ANKRD42: variants seen among roughly 807,000 people sequenced by gnomAD.
The protein encoded by ANKRD42 is ankyrin repeat domain 42.
ANKRD42 carries 43 observed loss-of-function variants against 51.5 expected under a neutral mutation model. The ratio of observed to expected loss-of-function variants is 0.83; its 90% CI spans 0.65 to 1.08. The LOEUF (loss-of-function observed/expected upper bound fraction) is 1.08, where lower values mean the gene tolerates loss of function less well. Among genes scored for constraint, ANKRD42 ranks in the 50% least tolerant of loss-of-function variants. ANKRD42 has a pLI of 0.00. For missense variants in ANKRD42, 608 were observed against 629.3 expected (o/e 0.97, Z 0.36); for synonymous variants, 203 against 213.0 (o/e 0.95, Z 0.41).
chr11:83,239,345 G>A (rs965076174), intron 8 of ANKRD42, among the ~76,000 whole-genome samples: 1 of 152,020 alleles, frequency 6.6e-6, no homozygotes, highest in Non-Finnish European at 1.5e-5. Context: ...ACTTTGCAAA[G>A]ATTTCCCTTT....
chr11:83,223,412 A>G (rs1433606064), intron 5 of ANKRD42, among the ~76,000 whole-genome samples: 1 of 152,174 alleles, frequency 6.6e-6, no homozygotes, highest in Non-Finnish European at 1.5e-5. Flanking sequence ...AAAGGTAGTG[A>G]GAAGTAATCA....
chr11:83,214,394 G>A (rs1862448222), intron 5 of ANKRD42: 1 of 978,668 alleles, frequency 1.0e-6, no homozygotes, highest in African/African-American at 1.8e-5. Context: ...TTTTATTTTT[G>A]TATTGTCCTT....
At chr11:83,206,375 G>A (rs1565178121) in intron 3 of ANKRD42, among the ~76,000 whole-genome samples, 1 of 152,036 alleles carries the variant, frequency 6.6e-6, no homozygotes, top group South Asian at 2.1e-4. Context: ...GATGTAGTTG[G>A]CTGTCTGCGT....
At chr11:83,235,229 T>C (rs1352684680) in intron 7 of ANKRD42, among the ~76,000 whole-genome samples, 1 of 152,146 alleles carries the variant, frequency 6.6e-6, no homozygotes, top group Admixed American at 6.5e-5. Context: ...ATACATGTCA[T>C]AGGAGTTTGG....
chr11:83,243,966 C>CTTT (rs1565196572), intron 9 of ANKRD42, among the ~76,000 whole-genome samples: 8 of 91,952 alleles, frequency 8.7e-5, no homozygotes, highest in East Asian at 6.4e-4. Flanking sequence ...GCCTGGCTGC[C>CTTT]CTTTTTTTTT....
chr11:83,194,570 G>C lies in ANKRD42; in HGVS notation c.-101G>C. On this transcript the variant is annotated 5_prime_UTR_variant, in exon 1 of 11. Coordinates refer to ENST00000533342, the MANE Select transcript of ANKRD42 (RefSeq NM_001300975.2). Reference sequence around the variant, plus strand: ...CGTCCTAGTGACGACGGAGAAGAGGGCCGCTGCCGCTGCAGTGGCTCGTGG... The same window carrying C: ...CGTCCTAGTGACGACGGAGAAGAGGCCCGCTGCCGCTGCAGTGGCTCGTGG... 1 of 1,192,820 alleles carries C rather than the reference G, an allele frequency of 8.4e-7. No homozygotes were observed. 73.9% of individuals were successfully genotyped at this position (1,192,820 alleles called of 1,614,324 possible).
downstream of ANKRD42, chr11:83,261,756 C>G (rs1863936342): frequency 3.5e-6 from 2 of 564,758 alleles, no homozygotes; most frequent in Admixed American, 3.0e-5. Context: ...GACACAGTAT[C>G]TCTTCTCATT....
chr11:83,224,302 C>T (rs1212218410), intron 5 of ANKRD42, among the ~76,000 whole-genome samples: 1 of 152,016 alleles, frequency 6.6e-6, no homozygotes. Context: ...TTAAATTTTA[C>T]TTATTTATTT....
intron 8 of ANKRD42, among the ~76,000 whole-genome samples, chr11:83,239,948 C>T (rs1345952090): frequency 6.6e-6 from 1 of 152,132 alleles, no homozygotes; most frequent in East Asian, 1.9e-4. Context: ...TTAATGAATT[C>T]TATAAACCTT....
chr11:83,252,655 A>T (rs1374357700), downstream of ANKRD42, among the ~76,000 whole-genome samples: 1 of 152,168 alleles, frequency 6.6e-6, no homozygotes, highest in Non-Finnish European at 1.5e-5. Context: ...TCAAGTCAGT[A>T]GTGCCTAGGA....
chr11:83,201,975 G>A (rs924959252), intron 2 of ANKRD42, among the ~76,000 whole-genome samples: 3 of 152,002 alleles, frequency 2.0e-5, no homozygotes, highest in African/African-American at 7.2e-5. Context: ...TTCTTTTGTT[G>A]TGCAGAAGCT....
intron 1 of ANKRD42, among the ~76,000 whole-genome samples, chr11:83,195,339 A>G (rs985558086): frequency 6.6e-6 from 1 of 152,238 alleles, no homozygotes; most frequent in Non-Finnish European, 1.5e-5. Flanking sequence ...AGGAAGATAA[A>G]TGCTGAGCAA....
chr11:83,238,466 C>T (rs949815625), intron 8 of ANKRD42, among the ~76,000 whole-genome samples: 1 of 152,126 alleles, frequency 6.6e-6, no homozygotes, highest in South Asian at 2.1e-4. Context: ...GAGGCCAAGG[C>T]AGTGGATCAC....
downstream of ANKRD42, chr11:83,261,896 G>A: frequency 6.3e-7 from 1 of 1,586,414 alleles, no homozygotes; most frequent in African/African-American, 1.4e-5. Flanking sequence ...AGCCACAGCA[G>A]GATGAGCATT....
At chr11:83,257,021 C>G (rs1300969858), downstream of ANKRD42, among the ~76,000 whole-genome samples, 1 of 152,052 alleles carries the variant, frequency 6.6e-6, no homozygotes, top group Non-Finnish European at 1.5e-5. Context: ...TAAATGTTGA[C>G]AACTGTTATT....
chr11:83,256,883 A>G (rs1203402761), downstream of ANKRD42, among the ~76,000 whole-genome samples: 3 of 152,150 alleles, frequency 2.0e-5, no homozygotes, highest in Non-Finnish European at 2.9e-5. Context: ...CCAGCTCTGC[A>G]TTGTTGTGTA....
downstream of ANKRD42, among the ~76,000 whole-genome samples, chr11:83,250,864 A>G (rs1335858446): frequency 6.6e-6 from 1 of 152,110 alleles, no homozygotes; most frequent in Non-Finnish European, 1.5e-5. Flanking sequence ...CATGTTCTCT[A>G]CTTTCACTGC....
intron 7 of ANKRD42, among the ~76,000 whole-genome samples, chr11:83,235,741 G>C (rs1317534677): frequency 1.3e-5 from 2 of 152,234 alleles, no homozygotes; most frequent in Non-Finnish European, 2.9e-5. Flanking sequence ...CAGGTTAAAT[G>C]AGCACATTGT....
intron 5 of ANKRD42, among the ~76,000 whole-genome samples, chr11:83,216,781 C>G (rs1862550780): frequency 6.6e-6 from 1 of 152,158 alleles, no homozygotes; most frequent in Non-Finnish European, 1.5e-5. Flanking sequence ...GAAGTAAGTT[C>G]TGATGCAGGA....
Sources: allele counts gnomAD v4.1 joint callset (sites outside exome capture counted in the v4.1 genomes callset), GRCh38; gene constraint gnomAD v4.1.1; transcripts MANE v1.5; gene names NCBI Gene and HGNC (gene_info 2026-07-23, HGNC 2026-07-21).